Variants in JAML observed in about 807,000 individuals in gnomAD.
JAML encodes junction adhesion molecule like.
In JAML, 25 loss-of-function variants were observed where a neutral mutation model predicts 39.3. The observed-to-expected ratio is 0.64, with a 90% CI of 0.46 to 0.89. The LOEUF (loss-of-function observed/expected upper bound fraction) is 0.89, where lower values mean the gene tolerates loss of function less well. Ranked by LOEUF, JAML falls within the 40% of genes least tolerant of loss-of-function variation. JAML has a pLI of 0.00. For missense variants in JAML, 440 were observed against 486.9 expected, an observed-to-expected ratio of 0.90 and a Z score of 0.91; for synonymous variants, 162 against 179.2, an observed-to-expected ratio of 0.90 and a Z score of 0.77.
At chr11:118,211,266 A>AT (rs891757653) in intron 3 of JAML, among the ~76,000 whole-genome samples, 1 of 152,000 alleles carries the variant, frequency 6.6e-6, no homozygotes, top group African/African-American at 2.4e-5. Context: ...TTGGTTTTGT[A>AT]TTGTTTTCTT....
chr11:118,195,443 C>G (rs1948631571), intron 9 of JAML, among the ~76,000 whole-genome samples: 1 of 151,954 alleles, frequency 6.6e-6, no homozygotes, highest in South Asian at 2.1e-4. Context: ...CCAGCCTTCC[C>G]AAACCCACAG....
At chr11:118,194,515 C>A (rs965769645) in intron 9 of JAML, 98 bp from the exon 10 acceptor site, 2 of 927,136 alleles carry the variant, frequency 2.2e-6, no homozygotes, top group African/African-American at 3.3e-5. Flanking sequence ...ATGAGCCCGG[C>A]CCAGTACTGA....
intron 8 of JAML, chr11:118,197,626 T>G (rs1948687289): frequency 5.5e-6 from 1 of 182,998 alleles, no homozygotes; most frequent in Non-Finnish European, 1.2e-5. Context: ...TTACAAAGCA[T>G]TTGCATATCA....
Position 118,200,591 on chromosome 11 carries a change from A to G in JAML, c.794T>C (p.Leu265Pro). 1 of 1,614,156 alleles carries G rather than the reference A, an allele frequency of 6.2e-7. No homozygotes were observed. The highest frequency in any genetic ancestry group is 8.5e-7 in the Non-Finnish European group (1 of 1,180,024). The change falls in exon 7 of 10, where the codon CTG becomes CCG. Residue 265 changes from leucine (L) to proline (P), a missense_variant. Transcript: ENST00000356289. Reference protein sequence around the residue: ...EPRTLVTPAALRPLVLGGNQL... With the variant: ...EPRTLVTPAAPRPLVLGGNQL... ...ATTACCACCCAAGACCAGAGGCCTC[A>G]GGGCTGCCGGGGTCACCAGTGCTTG...
chr11:118,203,369 C>G (rs565191418), intron 6 of JAML, 59 bp downstream of exon 6: 1 of 1,488,542 alleles, frequency 6.7e-7, no homozygotes, highest in East Asian at 2.3e-5. Context: ...TCACTCTAGT[C>G]CTGGCGCCAT....
intron 5 of JAML, chr11:118,205,103 G>A (rs187078792): frequency 7.9e-5 from 12 of 152,318 alleles, no homozygotes; most frequent in African/African-American, 2.9e-4. Context: ...ACTCCATCAT[G>A]ATGTCACCCA....
intron 4 of JAML, among the ~76,000 whole-genome samples, chr11:118,207,716 A>G (rs1215012363): frequency 6.6e-6 from 1 of 152,064 alleles, no homozygotes; most frequent in Non-Finnish European, 1.5e-5. Context: ...CAAAATTGTT[A>G]GGGGTTGGAT....
At chr11:118,201,632 G>T in intron 6 of JAML, 1 of 152,398 alleles carries the variant, frequency 6.6e-6, no homozygotes. Context: ...TAGAAAGATG[G>T]CACCAAGAGC....
At chr11:118,212,929 G>A in intron 2 of JAML, 1 of 1,614,196 alleles carries the variant, frequency 6.2e-7, no homozygotes, top group Non-Finnish European at 8.5e-7. Context: ...ACGACGAAAT[G>A]GGTTGTTCCT....
chr11:118,205,458 A>C (rs1948896684), intron 5 of JAML: 1 of 159,568 alleles, frequency 6.3e-6, no homozygotes, highest in African/African-American at 2.4e-5. Flanking sequence ...AATGGGGCAC[A>C]GATGAAAACT....
intron 3 of JAML, 48 bp downstream of exon 3, chr11:118,212,359 C>A: frequency 6.3e-7 from 1 of 1,598,046 alleles, no homozygotes. Context: ...TGTCCTGACA[C>A]CAGCAGTCAG....
Position 118,198,017 on chromosome 11 carries a change from A to G in JAML, c.986T>C (p.Phe329Ser), listed in dbSNP as rs780921879. The change falls in exon 8 of 10, where the codon TTT becomes TCT. Residue 329 changes from phenylalanine (F) to serine (S), a missense_variant. Physicochemically the swap from Phe to Ser is radical, Grantham distance 155 (BLOSUM62 -2). Transcript: ENST00000356289. ...NPEIKEKPCH[F>S]ERCEGEKHIY... ...GTTCACCTCCCCTTCACATCTTTCA[A>G]AATGGCAGGGTTTTTCTTTTATCTC... 4.3e-6 allele frequency: 7 copies of G among 1,614,032 alleles called. No individual in the cohort carries two copies. In the African/African-American group the frequency reaches 9.3e-5, roughly 22 times the overall value.
At chr11:118,209,519 CTTCTTTT>C (rs919226951) in intron 4 of JAML, among the ~76,000 whole-genome samples, 123 of 152,142 alleles carry the variant, frequency 8.1e-4, no homozygotes, top group Middle Eastern at 3.4e-3. Flanking sequence ...CTGCTCCTTT[CTTCTTTT>C]TTCTATTTTA....
At chr11:118,200,225 C>T (rs560105456) in intron 7 of JAML, among the ~76,000 whole-genome samples, 5 of 152,176 alleles carry the variant, frequency 3.3e-5, no homozygotes, top group African/African-American at 1.2e-4. Flanking sequence ...CCTACTGAGG[C>T]CCCCATTTCT....
intron 6 of JAML, chr11:118,201,404 C>G (rs977046619): frequency 3.3e-5 from 5 of 152,184 alleles, no homozygotes; most frequent in Admixed American, 1.3e-4. Flanking sequence ...ATCTGGAGGC[C>G]TGACAGGATG....
intron 1 of JAML, among the ~76,000 whole-genome samples, chr11:118,224,330 A>C (rs546816827): frequency 8.5e-5 from 13 of 152,254 alleles, no homozygotes; most frequent in African/African-American, 2.6e-4. Flanking sequence ...TGAGGGTGTA[A>C]CAAGCATGGA....
At chr11:118,214,443 C>T (rs902637617) in intron 2 of JAML, among the ~76,000 whole-genome samples, 9 of 152,152 alleles carry the variant, frequency 5.9e-5, no homozygotes, top group African/African-American at 1.9e-4. Flanking sequence ...GACATGGCCA[C>T]AGTATGAAAA....
At chr11:118,212,665 T>C in intron 2 of JAML, 104 bp from the exon 3 acceptor site, 3 of 1,522,862 alleles carry the variant, frequency 2.0e-6, no homozygotes, top group Admixed American at 2.0e-5. Context: ...CCCTGGATGA[T>C]CCAACATAGA....
Position 118,209,844 on chromosome 11 carries a change from C to CA in JAML, c.424+642_424+643insT, listed in dbSNP as rs1555107129. Among the ~76,000 whole-genome samples the CA allele has an allele frequency of 2.7e-5, 4 of 150,584 alleles. No homozygotes were observed. In the East Asian group the frequency reaches 7.8e-4, roughly 29 times the overall value. On this transcript the variant is annotated intron_variant, in intron 4 of 9. Coordinates refer to ENST00000356289, the MANE Select transcript of JAML (RefSeq NM_001098526.2). ...ATGAGCCATCACACCCAGACTTTTTCTTTTTTTTTCTTTTCTTTTCTTTTC... is the reference window on the plus strand; with the variant it reads ...ATGAGCCATCACACCCAGACTTTTTCATTTTTTTTTCTTTTCTTTTCTTTTC...
Sources: gnomAD v4.1 joint callset for allele counts (sites outside exome capture counted in the v4.1 genomes callset) on GRCh38, gnomAD v4.1.1 for gene constraint, MANE v1.5 for transcripts, NCBI Gene and HGNC (gene_info 2026-07-23, HGNC 2026-07-21) for gene names.